Variants in TTC28 observed in about 807,000 individuals in gnomAD.
TTC28 encodes tetratricopeptide repeat domain 28.
In TTC28, 61 loss-of-function variants were observed where a neutral mutation model predicts 198.0. The ratio of observed to expected loss-of-function variants is 0.31; its 90% CI spans 0.25 to 0.38. The LOEUF (loss-of-function observed/expected upper bound fraction) is 0.38, where lower values mean the gene tolerates loss of function less well. TTC28 is among the 10% of genes least tolerant of loss of function. TTC28 has a pLI of 1.00. For missense variants in TTC28, 2,678 were observed against 3,164.0 expected (o/e 0.85, Z 3.69); for synonymous variants, 1,171 against 1,297.8 (o/e 0.90, Z 2.10).
chr22:28,472,546 ATGTGTATGTGTGTG>A (rs1380216952), intron 2 of TTC28, among the ~76,000 whole-genome samples: 13 of 89,038 alleles, frequency 1.5e-4, no homozygotes, highest in South Asian at 1.2e-3. Flanking sequence ...CAAAAAGAAA[ATGTGTATGTGTGTG>A]TGTGTGTGTG....
At chr22:28,510,001 G>C (rs916285515) in intron 2 of TTC28, among the ~76,000 whole-genome samples, 2 of 152,032 alleles carry the variant, frequency 1.3e-5, no homozygotes, top group Non-Finnish European at 2.9e-5. Flanking sequence ...TCCCTGAATA[G>C]ACAAATAACA....
chr22:28,260,144 A>G (rs1322342311), intron 5 of TTC28, among the ~76,000 whole-genome samples: 1 of 152,206 alleles, frequency 6.6e-6, no homozygotes, highest in Non-Finnish European at 1.5e-5. Context: ...TGTTCAGGGC[A>G]ATCACATGTC....
chr22:28,477,357 T>A (rs988432326), intron 2 of TTC28, among the ~76,000 whole-genome samples: 3 of 152,086 alleles, frequency 2.0e-5, no homozygotes, highest in Non-Finnish European at 4.4e-5. Flanking sequence ...AAACCCAAAC[T>A]CCTTCCCATG....
chr22:28,603,988 T>C (rs969333021), intron 2 of TTC28, among the ~76,000 whole-genome samples: 1 of 152,078 alleles, frequency 6.6e-6, no homozygotes, highest in Non-Finnish European at 1.5e-5. Flanking sequence ...TTGAAAAAAC[T>C]GTTTCTTGGC....
rs1936946797 is a variant in TTC28, at chr22:27,979,489, A to G, written c.*2732T>C. ...AGCGAGACTCTGTCTCAAAAAAAAA[A>G]AAAAAGGCCAGGTATTGAATATTTT... On this transcript the variant is annotated 3_prime_UTR_variant, in exon 23 of 23. Coordinates refer to ENST00000397906, the MANE Select transcript of TTC28 (RefSeq NM_001145418.2). 1 of 151,914 alleles carries G rather than the reference A, an allele frequency of 6.6e-6. No homozygotes were observed. The highest frequency in any genetic ancestry group is 2.4e-5 in the African/African-American group (1 of 41,300). 9.4% of individuals were successfully genotyped at this position (151,914 alleles called of 1,614,324 possible). A position where few individuals can be genotyped will look rare whatever the true frequency, so the allele number is the denominator to read the frequency against.
chr22:28,386,119 A>G (rs2046580591), intron 2 of TTC28, among the ~76,000 whole-genome samples: 1 of 150,710 alleles, frequency 6.6e-6, no homozygotes, highest in African/African-American at 2.4e-5. Context: ...TACTAAAACT[A>G]CAAAAAATAG....
intron 2 of TTC28, among the ~76,000 whole-genome samples, chr22:28,391,503 T>C (rs2046719651): frequency 6.6e-6 from 1 of 152,246 alleles, no homozygotes; most frequent in South Asian, 2.1e-4. Context: ...TTTGGTCTTT[T>C]CACATAGTCC....
Position 28,661,383 on chromosome 22 carries a change from A to C in TTC28, c.102+18239T>G, listed in dbSNP as rs138701963. Among the ~76,000 whole-genome samples the C allele has an allele frequency of 8.0e-3, 1,216 of 152,320 alleles. 5 individuals are homozygous for C. Among genetic ancestry groups the C allele is most frequent in the Non-Finnish European group, 0.012 (834 of 68,022 alleles). Reference sequence around the variant, plus strand: ...AAGAAACATTTATATCAGGTACTACATTAAGTATTAGTTTAATAACAGCTT... The same window carrying C: ...AAGAAACATTTATATCAGGTACTACCTTAAGTATTAGTTTAATAACAGCTT... On this transcript the variant is annotated intron_variant, in intron 1 of 22. Coordinates refer to ENST00000397906, the MANE Select transcript of TTC28 (RefSeq NM_001145418.2).
At chr22:28,148,855 C>T (rs1943539895) in intron 6 of TTC28, among the ~76,000 whole-genome samples, 1 of 152,026 alleles carries the variant, frequency 6.6e-6, no homozygotes, top group Non-Finnish European at 1.5e-5. Flanking sequence ...TAGTAAGGCA[C>T]AAATAGATGA....
chr22:28,067,509 C>T (rs974840164), intron 12 of TTC28, among the ~76,000 whole-genome samples: 3 of 151,888 alleles, frequency 2.0e-5, no homozygotes, highest in African/African-American at 4.8e-5. Context: ...ACTTGGTGCC[C>T]ATCATAAGAC....
At chr22:28,113,555 T>C (rs148513283) in intron 6 of TTC28, among the ~76,000 whole-genome samples, 4 of 152,348 alleles carry the variant, frequency 2.6e-5, no homozygotes, top group Non-Finnish European at 5.9e-5. Flanking sequence ...GACCAGCCCA[T>C]CTGCTTTCAG....
At chr22:28,660,100 T>C (rs981446324) in intron 1 of TTC28, among the ~76,000 whole-genome samples, 3 of 152,172 alleles carry the variant, frequency 2.0e-5, no homozygotes, top group Non-Finnish European at 4.4e-5. Context: ...CAGCCTGAAA[T>C]GCATTTTTTT....
rs890728494 is a variant in TTC28 at position 28,292,072 on chromosome 22, T to C, written c.933+4126A>G. Among the ~76,000 whole-genome samples the C allele has an allele frequency of 3.3e-5, 5 of 152,104 alleles. 1 individual carries two copies. Among genetic ancestry groups the C allele is most frequent in the African/African-American group, 1.2e-4 (5 of 41,442 alleles). On this transcript the variant is annotated intron_variant, in intron 5 of 22. Coordinates refer to ENST00000397906, the MANE Select transcript of TTC28 (RefSeq NM_001145418.2). Reference sequence around the variant, plus strand: ...TGTAATTGGATAAAACTAATAAATATTAACTTATAATTAATAATTAGTTAT... The same window carrying C: ...TGTAATTGGATAAAACTAATAAATACTAACTTATAATTAATAATTAGTTAT...
intron 5 of TTC28, among the ~76,000 whole-genome samples, chr22:28,200,922 A>T (rs1214410356): frequency 2.0e-5 from 3 of 152,190 alleles, no homozygotes; most frequent in African/African-American, 7.2e-5. Flanking sequence ...TTTTGTTTTT[A>T]TATTTAAAAA....
chr22:28,621,742 T>TAAAAA (rs771463983), intron 2 of TTC28, among the ~76,000 whole-genome samples: 2 of 76,068 alleles, frequency 2.6e-5, no homozygotes, highest in East Asian at 3.3e-4. Context: ...GACTGTCTCT[T>TAAAAA]AAAAAAAAAA....
At chr22:28,326,918 GT>G (rs1569261974) in intron 2 of TTC28, among the ~76,000 whole-genome samples, 1 of 151,272 alleles carries the variant, frequency 6.6e-6, no homozygotes, top group Non-Finnish European at 1.5e-5. Context: ...TACTAAAGGC[GT>G]TTTTAAAAGT....
At chr22:28,356,005 A>G (rs746650713) in intron 2 of TTC28, among the ~76,000 whole-genome samples, 1 of 152,254 alleles carries the variant, frequency 6.6e-6, no homozygotes, top group Non-Finnish European at 1.5e-5. Context: ...TGCTTTGGAA[A>G]ATGAAAACTT....
rs148501733 is a variant in TTC28 at position 28,035,072 on chromosome 22, C to G, written c.3933-4706G>C. 6.6e-3 allele frequency among the ~76,000 whole-genome samples: 1,006 copies of G among 152,330 alleles called. 10 individuals carry two copies. Among genetic ancestry groups the G allele is most frequent in the Admixed American group, 0.012 (179 of 15,302 alleles). On this transcript the variant is annotated intron_variant, in intron 12 of 22. Coordinates refer to ENST00000397906, the MANE Select transcript of TTC28 (RefSeq NM_001145418.2). ...TGCAAGCATGGCCACCTGATCTCTC[C>G]AAGAACACGCTTGCTCCCTGCCATT...
chr22:28,672,298 G>C (rs1039468401), intron 1 of TTC28, among the ~76,000 whole-genome samples: 11 of 151,702 alleles, frequency 7.3e-5, no homozygotes, highest in African/African-American at 2.4e-4. Context: ...CTCTGGAGTA[G>C]CTGGGATTAC....
Sources: gnomAD v4.1 joint callset for allele counts (sites outside exome capture counted in the v4.1 genomes callset) on GRCh38, gnomAD v4.1.1 for gene constraint, MANE v1.5 for transcripts, NCBI Gene and HGNC (gene_info 2026-07-23, HGNC 2026-07-21) for gene names.